Variants in RABGGTB observed in about 807,000 individuals in gnomAD.
RABGGTB encodes Rab geranylgeranyltransferase subunit beta.
RABGGTB carries 20 observed loss-of-function variants against 44.5 expected under a neutral mutation model. The observed-to-expected ratio is 0.45, with a 90% CI of 0.32 to 0.65. RABGGTB has a LOEUF of 0.65. Among genes scored for constraint, RABGGTB ranks in the 30% least tolerant of loss-of-function variants. The pLI, the probability that RABGGTB is intolerant of heterozygous loss-of-function variation, is 0.05. For missense variants in RABGGTB, 302 were observed against 398.7 expected (o/e 0.76, Z 2.06); for synonymous variants, 128 against 136.7 (o/e 0.94, Z 0.44).
At chr1:75,790,151 G>A (rs759340565) in intron 4 of RABGGTB, 94 bp downstream of exon 4, 6 of 1,561,072 alleles carry the variant, frequency 3.8e-6, no homozygotes, top group Non-Finnish European at 5.2e-6. Flanking sequence ...CATCTTTTCA[G>A]GTCCCACTAA....
chr1:75,788,837 C>CT (rs1649571549), intron 2 of RABGGTB: 1 of 322,104 alleles, frequency 3.1e-6, no homozygotes, highest in Admixed American at 4.6e-5. Context: ...AAGAAATACT[C>CT]TCCCTGAACT....
At chr1:75,790,334 T>G in intron 4 of RABGGTB, 3 of 1,224,946 alleles carry the variant, frequency 2.4e-6, no homozygotes, top group Non-Finnish European at 3.0e-6. Context: ...AAAAACTACT[T>G]GCTGGAAAGG....
At chr1:75,788,240 A>G (rs928759717) in intron 2 of RABGGTB, 1 of 187,454 alleles carries the variant, frequency 5.3e-6, no homozygotes, top group Non-Finnish European at 1.1e-5. Context: ...TTTATCTGCT[A>G]TCTATCTTTA....
In RABGGTB at chr1:75,789,309, A is replaced by G. The variant is rs878891395; in HGVS notation, c.262A>G (p.Ser88Gly). ...CQHECGGISA[S>G]IGHDPHLLYT... ...ACATGAATGTGGTGGAATAAGTGCT[A>G]GTATCGGACATGATCCTCATCTTTT... The change falls in exon 3 of 9, where the codon AGT (serine) becomes GGT (glycine). Residue 88 changes from serine to glycine, a missense_variant. Ser to Gly is a moderately conservative substitution (Grantham distance 56). This residue lies in a region of RABGGTB where 213 missense variants were observed against 323.7 expected (regional missense o/e 0.66). Coordinates refer to ENST00000319942, the MANE Select transcript of RABGGTB (RefSeq NM_004582.4). The G allele has an allele frequency of 3.1e-6, 5 of 1,614,144 alleles. No homozygotes were observed.
Position 75,794,106 on chromosome 1 carries a change from G to A in RABGGTB, c.728G>A (p.Trp243Ter), listed in dbSNP as rs1649712665. ...TAGTTACCAGATGTATGCTACTCAT[G>A]GTGGGTCCTGGCTTCCCTAAAGATA... is the stretch of plus-strand genomic sequence containing the variant. ...PEKLPDVCYS[W>*]WVLASLKIIG... The change falls in exon 8 of 9, where the codon TGG (tryptophan) becomes TAG (stop). Residue 243 changes from tryptophan (W) to a stop codon, truncating the protein, a stop_gained. Transcript: ENST00000319942. LOFTEE classifies it high-confidence loss of function. The A allele has an allele frequency of 6.2e-7, 1 of 1,606,882 alleles. No individual in the cohort carries two copies. Among genetic ancestry groups the A allele is most frequent in the South Asian group, 1.1e-5 (1 of 90,424 alleles).
chr1:75,789,883 A>G, intron 3 of RABGGTB, 69 bp from the exon 4 acceptor site: 1 of 1,170,038 alleles, frequency 8.5e-7, no homozygotes, highest in Non-Finnish European at 1.3e-6. Context: ...CAACTTAAAA[A>G]GAGTTGAGCA....
At chr1:75,789,035 A>G (rs1419693016) in intron 2 of RABGGTB, 124 bp from the exon 3 acceptor site, 3 of 757,906 alleles carry the variant, frequency 4.0e-6, no homozygotes, top group Admixed American at 2.5e-5. Flanking sequence ...ACTACTGATC[A>G]GTGCTGTTAA....
At chr1:75,789,506 GA>G in intron 3 of RABGGTB, 150 bp downstream of exon 3, 1 of 863,060 alleles carries the variant, frequency 1.2e-6, no homozygotes. Context: ...TGTATTAGCT[GA>G]ATCTAAAGTT....
At chr1:75,788,221 G>C (rs1045781634) in intron 2 of RABGGTB, 2 of 188,580 alleles carry the variant, frequency 1.1e-5, no homozygotes, top group African/African-American at 4.7e-5. Context: ...GGCTGGACTC[G>C]TTTCTGCCTT....
chr1:75,786,624 G>T lies in RABGGTB; in HGVS notation c.3+350G>T. 1.3e-5 allele frequency: 4 copies of T among 308,694 alleles called. No individual in the cohort carries two copies. In the East Asian group the frequency reaches 2.0e-4, roughly 15 times the overall value. The allele number at this position is 308,694 out of a possible 1,614,324, so 19.1% of individuals were successfully genotyped here. Reference sequence around the variant, plus strand: ...TTAAAATCGTTAGTGATGTGGTCTCGCTTTAAGATTTTTAATGGGATCAGA... The same window carrying T: ...TTAAAATCGTTAGTGATGTGGTCTCTCTTTAAGATTTTTAATGGGATCAGA... On this transcript the variant is annotated intron_variant, in intron 1 of 8. Coordinates refer to ENST00000319942, the MANE Select transcript of RABGGTB (RefSeq NM_004582.4).
At position 75,787,862 on chromosome 1, in the gene RABGGTB, T is replaced by C. The variant is rs1230831446; in HGVS notation, c.111+258T>C. ...TTTGAGGTACAAAACGGGTTTCTCTTTTTGTAGTTAGGGGTAATACTTTCA... is the reference window on the plus strand; with the variant it reads ...TTTGAGGTACAAAACGGGTTTCTCTCTTTGTAGTTAGGGGTAATACTTTCA... On this transcript the variant is annotated intron_variant, in intron 2 of 8. Transcript: ENST00000319942. 4 of 677,080 alleles carry C rather than the reference T, an allele frequency of 5.9e-6. No individual in the cohort carries two copies. The East Asian group carries it at 1.2e-4, about 20-fold the overall frequency. The allele number at this position is 677,080 out of a possible 1,614,324, so 41.9% of individuals were successfully genotyped here.
chr1:75,789,400 C>T, intron 3 of RABGGTB, 44 bp downstream of exon 3: 1 of 1,570,652 alleles, frequency 6.4e-7, no homozygotes, highest in Non-Finnish European at 8.8e-7. Context: ...AGTATGTTCT[C>T]TTACTTCAGA....
intron 2 of RABGGTB, chr1:75,788,923 C>T (rs1649574916): frequency 5.7e-6 from 3 of 528,956 alleles, no homozygotes; most frequent in East Asian, 3.1e-5. Flanking sequence ...TATTGTCAGC[C>T]ATAGATTAAC....
intron 1 of RABGGTB, 139 bp downstream of exon 1, chr1:75,786,413 A>T: frequency 4.0e-6 from 5 of 1,238,752 alleles, no homozygotes; most frequent in Non-Finnish European, 5.9e-6. Context: ...AGGTTTTTTG[A>T]GTGTGAAATA....
chr1:75,791,218 T>A, intron 4 of RABGGTB, 67 bp from the exon 5 acceptor site: 1 of 1,347,984 alleles, frequency 7.4e-7, no homozygotes, highest in Non-Finnish European at 1.1e-6. Flanking sequence ...TTGTGCAGTG[T>A]TTGTTTTTAG....
chr1:75,793,475 G>T (rs1649696999), intron 7 of RABGGTB: 1 of 152,304 alleles, frequency 6.6e-6, no homozygotes, highest in African/African-American at 2.4e-5. Context: ...CTACAATAGA[G>T]TGAAATAAAA....
intron 1 of RABGGTB, chr1:75,786,934 T>G (rs1649503224): frequency 2.8e-6 from 1 of 360,546 alleles, no homozygotes; most frequent in Admixed American, 4.3e-5. Context: ...TTTTTTATTT[T>G]TTAAAAATAT....
intron 4 of RABGGTB, 53 bp downstream of exon 4, chr1:75,790,110 G>C: frequency 6.2e-7 from 1 of 1,600,966 alleles, no homozygotes; most frequent in Non-Finnish European, 8.5e-7. Flanking sequence ...AAAATGTACT[G>C]GTTTTGCTAG....
At position 75,794,661 on chromosome 1, in the gene RABGGTB, T is replaced by C. The variant is rs998787731; in HGVS notation, c.*11T>C. On this transcript the variant is annotated 3_prime_UTR_variant, in exon 9 of 9. Transcript: ENST00000319942. ...GAGCTAGTGAGCTAGATTCATTGAA[T>C]TGAAAGTTGCATAGTATAGTTTTGC... 1.9e-6 allele frequency: 3 copies of C among 1,583,224 alleles called. No homozygotes were observed. Among genetic ancestry groups the C allele is most frequent in the African/African-American group, 1.3e-5 (1 of 74,496 alleles).
Sources: gnomAD v4.1 joint callset for allele counts on GRCh38, gnomAD v4.1.1 for gene constraint, gnomAD v4.1.1 regional missense constraint, MANE v1.5 for transcripts, NCBI Gene and HGNC (gene_info 2026-07-23, HGNC 2026-07-21) for gene names.